RABGAP1L: variants seen among roughly 807,000 people sequenced by gnomAD.
RABGAP1L encodes the protein rab GTPase-activating protein 1-like.
A neutral mutation model predicts 137.7 loss-of-function variants in RABGAP1L; 63 were observed. The ratio of observed to expected loss-of-function variants is 0.46; its 90% CI spans 0.37 to 0.56. The LOEUF is 0.56. Among genes scored for constraint, RABGAP1L ranks in the 20% least tolerant of loss-of-function variants. The pLI, the probability that RABGAP1L is intolerant of heterozygous loss-of-function variation, is 0.00. For missense variants in RABGAP1L, 1,095 were observed against 1,244.0 expected, an observed-to-expected ratio of 0.88 and a Z score of 1.80; for synonymous variants, 431 against 433.7, an observed-to-expected ratio of 0.99 and a Z score of 0.08.
At chr1:174,695,613 G>A (rs1187994030) in intron 15 of RABGAP1L, among the ~76,000 whole-genome samples, 1 of 152,082 alleles carries the variant, frequency 6.6e-6, no homozygotes, top group Non-Finnish European at 1.5e-5. Flanking sequence ...CTGGTACCTT[G>A]TTTAGTTCAT....
At chr1:174,839,053 G>A (rs565952580) in intron 19 of RABGAP1L, among the ~76,000 whole-genome samples, 19 of 148,414 alleles carry the variant, frequency 1.3e-4, no homozygotes, top group African/African-American at 4.0e-4. Context: ...GTGTGTGTGT[G>A]TGTTGGTAGG....
chr1:174,913,402 T>G (rs888881679), intron 19 of RABGAP1L, among the ~76,000 whole-genome samples: 1 of 152,232 alleles, frequency 6.6e-6, no homozygotes, highest in African/African-American at 2.4e-5. Context: ...CTAAACCTTG[T>G]GTTTCTAGAG....
chr1:174,883,793 G>A (rs1343249518), intron 19 of RABGAP1L, among the ~76,000 whole-genome samples: 1 of 152,114 alleles, frequency 6.6e-6, no homozygotes, highest in Non-Finnish European at 1.5e-5. Context: ...CAGTGGGAGT[G>A]TAAATAGAGA....
intron 20 of RABGAP1L, among the ~76,000 whole-genome samples, chr1:174,966,495 T>G (rs942877101): frequency 6.6e-6 from 1 of 152,006 alleles, no homozygotes; most frequent in Non-Finnish European, 1.5e-5. Context: ...TTCCTATATG[T>G]TTTTTTTCCA....
intron 13 of RABGAP1L, among the ~76,000 whole-genome samples, chr1:174,466,647 C>T (rs1410832957): frequency 6.6e-6 from 1 of 152,070 alleles, no homozygotes; most frequent in Admixed American, 6.6e-5. Flanking sequence ...ACTAGCCAGG[C>T]GTGGTGGCAC....
intron 7 of RABGAP1L, among the ~76,000 whole-genome samples, chr1:174,263,909 G>A (rs1443195144): frequency 6.6e-6 from 1 of 151,900 alleles, no homozygotes; most frequent in Non-Finnish European, 1.5e-5. Context: ...TCAGTATTAA[G>A]TACCTATAAA....
chr1:174,993,345 T>G lies in RABGAP1L; in HGVS notation c.*3344T>G, dbSNP rs959235348. On this transcript the variant is annotated 3_prime_UTR_variant, in exon 26 of 26. Coordinates refer to ENST00000681986, the MANE Select transcript of RABGAP1L (RefSeq NM_001366446.1). Reference sequence around the variant, plus strand: ...GCTTTCTGAAATGTCCTGAGTAAAGTAGAAAAGCAACCTTTGTATGGATGT... The same window carrying G: ...GCTTTCTGAAATGTCCTGAGTAAAGGAGAAAAGCAACCTTTGTATGGATGT... 1.3e-5 allele frequency: 2 copies of G among 152,218 alleles called. No individual in the cohort carries two copies. Among genetic ancestry groups the G allele is most frequent in the African/African-American group, 4.8e-5 (2 of 41,462 alleles). The allele number at this position is 152,218 out of a possible 1,614,324, so 9.4% of individuals were successfully genotyped here. A position where few individuals can be genotyped will look rare whatever the true frequency, so the allele number is the denominator to read the frequency against.
At chr1:174,677,158 C>CAAAAAAAAAA (rs1363194217) in intron 14 of RABGAP1L, among the ~76,000 whole-genome samples, 1 of 65,152 alleles carries the variant, frequency 1.5e-5, no homozygotes, top group African/African-American at 2.3e-4. Flanking sequence ...CCCATCTCTA[C>CAAAAAAAAAA]CAAAAAAAAA....
At chr1:174,197,388 C>A (rs768902399) in intron 1 of RABGAP1L, among the ~76,000 whole-genome samples, 1 of 141,030 alleles carries the variant, frequency 7.1e-6, no homozygotes, top group African/African-American at 2.7e-5. Context: ...CAGACTGATA[C>A]ACTGCCCGAT....
chr1:174,529,806 C>T (rs1664230905), intron 13 of RABGAP1L, among the ~76,000 whole-genome samples: 1 of 152,088 alleles, frequency 6.6e-6, no homozygotes, highest in South Asian at 2.1e-4. Context: ...TCTCCAAGCC[C>T]TCAGGCAGCA....
At chr1:174,196,029 G>T (rs184069981) in intron 1 of RABGAP1L, among the ~76,000 whole-genome samples, 1 of 150,974 alleles carries the variant, frequency 6.6e-6, no homozygotes, top group East Asian at 2.0e-4. Context: ...CAGAGACAGG[G>T]TTTCACCGTT....
chr1:174,564,197 G>A (rs188036930), intron 13 of RABGAP1L, among the ~76,000 whole-genome samples: 6 of 152,040 alleles, frequency 3.9e-5, no homozygotes, highest in Middle Eastern at 3.4e-3. Flanking sequence ...AACAGTTATC[G>A]TTTCCTTATT....
At chr1:174,807,219 C>G (rs992127076) in intron 18 of RABGAP1L, among the ~76,000 whole-genome samples, 1 of 152,086 alleles carries the variant, frequency 6.6e-6, no homozygotes, top group Admixed American at 6.5e-5. Flanking sequence ...ATGTTTATCT[C>G]TGTAGTCAGA....
chr1:174,465,253 G>T (rs1022280333), intron 13 of RABGAP1L, among the ~76,000 whole-genome samples: 4 of 152,178 alleles, frequency 2.6e-5, no homozygotes, highest in African/African-American at 9.7e-5. Context: ...AGGCTGGAGT[G>T]CAATGGTGTG....
chr1:174,363,898 A>T (rs1370070868), intron 11 of RABGAP1L, among the ~76,000 whole-genome samples: 1 of 116,752 alleles, frequency 8.6e-6, no homozygotes, highest in Admixed American at 9.1e-5. Flanking sequence ...GATAAATCCC[A>T]TTTGGTCATG....
intron 19 of RABGAP1L, chr1:174,892,308 C>T: frequency 3.0e-6 from 1 of 328,700 alleles, no homozygotes; most frequent in South Asian, 2.5e-5. Context: ...TAGCCACTTG[C>T]TATTTCAGCC....
chr1:174,652,648 C>T (rs1675624735), intron 14 of RABGAP1L, among the ~76,000 whole-genome samples: 1 of 152,204 alleles, frequency 6.6e-6, no homozygotes, highest in African/African-American at 2.4e-5. Flanking sequence ...AGCAAGATTG[C>T]TTCCTGTTCC....
At chr1:174,578,043 T>C (rs939189046) in intron 13 of RABGAP1L, among the ~76,000 whole-genome samples, 7 of 152,240 alleles carry the variant, frequency 4.6e-5, no homozygotes, top group Non-Finnish European at 8.8e-5. Context: ...AACACCATTC[T>C]TTTATATGTT....
intron 13 of RABGAP1L, among the ~76,000 whole-genome samples, chr1:174,609,718 T>G (rs1671048630): frequency 6.6e-6 from 1 of 152,204 alleles, no homozygotes; most frequent in African/African-American, 2.4e-5. Context: ...AAATCTATTG[T>G]AATTTGCTTC....
Sources: gnomAD v4.1 joint callset for allele counts (sites outside exome capture counted in the v4.1 genomes callset) on GRCh38, gnomAD v4.1.1 for gene constraint, MANE v1.5 for transcripts, NCBI Gene and HGNC (gene_info 2026-07-23, HGNC 2026-07-21) for gene names.